CCSER1: variants seen among roughly 807,000 people sequenced by gnomAD.
CCSER1 encodes coiled-coil serine rich protein 1.
A neutral mutation model predicts 82.0 loss-of-function variants in CCSER1; 41 were observed. The observed-to-expected ratio is 0.50, with a 90% CI of 0.39 to 0.65. The LOEUF is 0.65. Ranked by LOEUF, CCSER1 falls within the 30% of genes least tolerant of loss-of-function variation. CCSER1 has a pLI of 0.00. For missense variants in CCSER1, 1,119 were observed against 1,064.2 expected (o/e 1.05, Z -0.72); for synonymous variants, 414 against 383.9 (o/e 1.08, Z -0.92).
chr4:91,320,637 G>A (rs997338095), intron 10 of CCSER1, among the ~76,000 whole-genome samples: 3 of 151,996 alleles, frequency 2.0e-5, no homozygotes, highest in Admixed American at 6.6e-5. Flanking sequence ...TGGCTCACTA[G>A]AGTACAGTAT....
chr4:90,375,157 A>G (rs1389104109), intron 3 of CCSER1, among the ~76,000 whole-genome samples: 1 of 152,102 alleles, frequency 6.6e-6, no homozygotes, highest in East Asian at 1.9e-4. Context: ...GGGGACTCAA[A>G]ACTTAATTCT....
At chr4:91,444,301 A>G (rs1755408102) in intron 10 of CCSER1, among the ~76,000 whole-genome samples, 2 of 152,198 alleles carry the variant, frequency 1.3e-5, no homozygotes, top group Non-Finnish European at 1.5e-5. Flanking sequence ...CCAGTAGAGC[A>G]TATTCTTTGA....
intron 10 of CCSER1, among the ~76,000 whole-genome samples, chr4:91,376,925 G>A (rs1464006959): frequency 2.6e-5 from 3 of 114,760 alleles, no homozygotes; most frequent in Admixed American, 2.1e-4. Flanking sequence ...ACAGGCCCCA[G>A]TGTGTGATGT....
At chr4:90,844,134 A>T (rs1482124294) in intron 8 of CCSER1, among the ~76,000 whole-genome samples, 1 of 148,742 alleles carries the variant, frequency 6.7e-6, no homozygotes, top group East Asian at 2.0e-4. Flanking sequence ...TATATCTTCC[A>T]GTGTGTGTGT....
intron 1 of CCSER1, among the ~76,000 whole-genome samples, chr4:90,199,116 G>A (rs997661339): frequency 6.6e-6 from 1 of 152,168 alleles, no homozygotes; most frequent in African/African-American, 2.4e-5. Flanking sequence ...GTACCCAGCT[G>A]GTCAGCAGTC....
At chr4:90,291,650 G>C (rs754568255) in intron 1 of CCSER1, among the ~76,000 whole-genome samples, 1 of 152,044 alleles carries the variant, frequency 6.6e-6, no homozygotes, top group South Asian at 2.1e-4. Flanking sequence ...TCTTAAGAAA[G>C]GAAAGAAATG....
chr4:90,640,716 G>T (rs1299145869), intron 6 of CCSER1, among the ~76,000 whole-genome samples: 1 of 152,094 alleles, frequency 6.6e-6, no homozygotes, highest in Non-Finnish European at 1.5e-5. Flanking sequence ...TGAGTTCTCA[G>T]GAGACGTGAT....
intron 3 of CCSER1, among the ~76,000 whole-genome samples, chr4:90,318,838 C>T (rs1378075769): frequency 1.3e-5 from 2 of 152,134 alleles, no homozygotes; most frequent in Non-Finnish European, 2.9e-5. Flanking sequence ...TGACAATCTG[C>T]TCTGAAGAAT....
chr4:90,551,706 C>CTCTCTCTCTCTCTATATATA lies in CCSER1; in HGVS notation c.1725-76318_1725-76317insCTCTCTCTCTCTATATATAT. On this transcript the variant is annotated intron_variant, in intron 5 of 10. Coordinates refer to ENST00000509176, the MANE Select transcript of CCSER1 (RefSeq NM_001145065.2). ...TCTCTCTCTCTCTCTCTCTCTCTCT[C>CTCTCTCTCTCTCTATATATA]TATATATATATATATATATATGTAA... 3.6e-3 allele frequency among the ~76,000 whole-genome samples: 372 copies of CTCTCTCTCTCTCTATATATA among 104,186 alleles called. 3 individuals are homozygous for CTCTCTCTCTCTCTATATATA. Among genetic ancestry groups the CTCTCTCTCTCTCTATATATA allele is most frequent in the Non-Finnish European group, 5.4e-3 (304 of 56,194 alleles). The allele number at this position is 104,186 out of a possible 152,430, so 68.4% of individuals were successfully genotyped here.
At chr4:90,477,236 A>G (rs1274210793) in intron 5 of CCSER1, among the ~76,000 whole-genome samples, 1 of 152,228 alleles carries the variant, frequency 6.6e-6, no homozygotes, top group African/African-American at 2.4e-5. Flanking sequence ...TTCCCCTTCC[A>G]GGGGAGACTG....
intron 1 of CCSER1, among the ~76,000 whole-genome samples, chr4:90,241,082 T>C (rs1746746731): frequency 2.6e-5 from 4 of 152,220 alleles, no homozygotes; most frequent in African/African-American, 9.6e-5. Context: ...TAATAGCACA[T>C]AGTTCATTTC....
intron 5 of CCSER1, among the ~76,000 whole-genome samples, chr4:90,505,251 G>C (rs551684260): frequency 1.3e-5 from 2 of 152,366 alleles, no homozygotes; most frequent in African/African-American, 4.8e-5. Flanking sequence ...TGGCTGGCCA[G>C]ACGTGCTCCC....
At chr4:91,072,413 A>T (rs1419287108) in intron 9 of CCSER1, among the ~76,000 whole-genome samples, 1 of 147,720 alleles carries the variant, frequency 6.8e-6, no homozygotes, top group East Asian at 1.9e-4. Flanking sequence ...GTTATTTTCA[A>T]ATCTAAATGA....
intron 10 of CCSER1, among the ~76,000 whole-genome samples, chr4:91,238,677 C>G (rs1739208764): frequency 6.6e-6 from 1 of 152,018 alleles, no homozygotes; most frequent in Non-Finnish European, 1.5e-5. Flanking sequence ...AATTGGTTGG[C>G]CAGTAATTAT....
intron 1 of CCSER1, among the ~76,000 whole-genome samples, chr4:90,256,038 C>T (rs1332353727): frequency 1.3e-5 from 2 of 152,150 alleles, no homozygotes; most frequent in Non-Finnish European, 2.9e-5. Context: ...CACTCTTACT[C>T]TGCCACATTG....
chr4:90,917,470 C>T (rs1224937009), intron 8 of CCSER1, among the ~76,000 whole-genome samples: 1 of 152,078 alleles, frequency 6.6e-6, no homozygotes. Flanking sequence ...ACAATGAGAA[C>T]ACTTGGACCC....
chr4:90,412,504 G>A (rs1352106192), intron 4 of CCSER1, among the ~76,000 whole-genome samples: 2 of 144,454 alleles, frequency 1.4e-5, no homozygotes, highest in South Asian at 4.3e-4. Flanking sequence ...AAAAAAAGAT[G>A]CTGAATCATA....
At chr4:90,213,033 TA>T (rs1366461858) in intron 1 of CCSER1, among the ~76,000 whole-genome samples, 2 of 152,130 alleles carry the variant, frequency 1.3e-5, no homozygotes, top group Non-Finnish European at 2.9e-5. Context: ...TTTTGGGTTT[TA>T]TCTGTGTGAC....
intron 1 of CCSER1, among the ~76,000 whole-genome samples, chr4:90,129,539 G>C (rs1013347302): frequency 6.6e-6 from 1 of 152,116 alleles, no homozygotes; most frequent in Non-Finnish European, 1.5e-5. Context: ...GTCTCTAAAA[G>C]CCTGCCAAGA....
Sources: gnomAD v4.1 joint callset for allele counts (sites outside exome capture counted in the v4.1 genomes callset) on GRCh38, gnomAD v4.1.1 for gene constraint, MANE v1.5 for transcripts, NCBI Gene and HGNC (gene_info 2026-07-23, HGNC 2026-07-21) for gene names.